RSPH4A: variants seen among roughly 807,000 people sequenced by gnomAD.
The protein encoded by RSPH4A is radial spoke head protein 4 homolog A.
RSPH4A carries 47 observed loss-of-function variants against 71.0 expected under a neutral mutation model. The observed-to-expected ratio is 0.66, with a 90% CI of 0.52 to 0.84. The LOEUF (loss-of-function observed/expected upper bound fraction) is 0.84. Ranked by LOEUF, RSPH4A falls within the 40% of genes least tolerant of loss-of-function variation. RSPH4A has a pLI of 0.00. For synonymous variants in RSPH4A, 282 were observed against 302.3 expected (o/e 0.93, Z 0.70); for missense variants, 793 against 855.2 (o/e 0.93, Z 0.91).
intron 2 of RSPH4A, among the ~76,000 whole-genome samples, chr6:116,623,741 T>C (rs1389769306): frequency 6.6e-6 from 1 of 152,202 alleles, no homozygotes; most frequent in Non-Finnish European, 1.5e-5. Context: ...GCACTTCTAA[T>C]ATCATTTGTA....
Position 116,632,264 on chromosome 6 carries a change from A to G in RSPH4A, c.1974A>G (p.Thr658=), listed in dbSNP as rs142977481. The change falls in exon 6 of 6, where the codon ACA becomes ACG. Residue 658 remains threonine (T), a synonymous_variant. Coordinates refer to ENST00000229554, the MANE Select transcript of RSPH4A (RefSeq NM_001010892.3). The stretch of plus-strand genomic sequence containing the variant: ...ATAAGTATAGTCCAGACAATTATAC[A>G]CCCCCAGTTCCACCACCAGTTTATC... ...WGHKYSPDNY[T]PPVPPPVYQE... 318 of 1,612,360 alleles carry G rather than the reference A, an allele frequency of 2.0e-4. No homozygotes were observed. In the African/African-American group the frequency reaches 4.0e-3, roughly 20 times the overall value.
At chr6:116,630,847 A>ATTTTTTTTTTTTTTTTT in intron 5 of RSPH4A, among the ~76,000 whole-genome samples, 1 of 87,612 alleles carries the variant, frequency 1.1e-5, no homozygotes, top group Non-Finnish European at 2.1e-5. Flanking sequence ...TAATTTTTGT[A>ATTTTTTTTTTTTTTTTT]TTTTTTTTTT....
In RSPH4A at chr6:116,622,924, T is replaced by G; in HGVS notation, c.843T>G (p.Tyr281Ter). The G allele has an allele frequency of 6.2e-7, 1 of 1,613,960 alleles. No homozygotes were observed. The highest frequency in any genetic ancestry group is 8.5e-7 in the Non-Finnish European group (1 of 1,179,902). Residue 281 changes from tyrosine (Y) to a stop codon, truncating the protein, a stop_gained, in exon 2 of 6, where the codon TAT becomes TAG. Coordinates refer to ENST00000229554, the MANE Select transcript of RSPH4A (RefSeq NM_001010892.3). LOFTEE classifies it high-confidence loss of function. ...ATGAGAATGAGTTGCTTCCAACATA[T>G]GAAATAGCAGAAAAGCAAAAGGCTC... ...LQNENELLPT[Y>*]EIAEKQKALF...
intron 1 of RSPH4A, among the ~76,000 whole-genome samples, chr6:116,619,793 A>G (rs1775571039): frequency 6.6e-6 from 1 of 152,108 alleles, no homozygotes; most frequent in Admixed American, 6.5e-5. Context: ...ATCTCGGCTC[A>G]CTACAAGCTC....
intron 1 of RSPH4A, among the ~76,000 whole-genome samples, chr6:116,619,949 G>A (rs1775574060): frequency 6.6e-6 from 1 of 152,180 alleles, no homozygotes; most frequent in African/African-American, 2.4e-5. Context: ...TTGATCTCCT[G>A]ACTTCGTGAT....
chr6:116,616,483 A>T lies in RSPH4A; in HGVS notation c.-141A>T. On this transcript the variant is annotated 5_prime_UTR_variant, in exon 1 of 6. Coordinates refer to ENST00000229554, the MANE Select transcript of RSPH4A (RefSeq NM_001010892.3). ...GGAACCCGGCCTGGGGTTGCTATGG[A>T]GATAGGACGCAGCAACTCACAGAGC... 3 of 753,706 alleles carry T rather than the reference A, an allele frequency of 4.0e-6. No homozygotes were observed. The highest frequency in any genetic ancestry group is 6.8e-6 in the Non-Finnish European group (3 of 438,290). 46.7% of individuals were successfully genotyped at this position (753,706 alleles called of 1,614,324 possible).
rs747463597 is a variant in RSPH4A at position 116,632,632 on chromosome 6, AGATACTCACAG to A, written c.*195_*205del. Reference sequence around the variant, plus strand: ...TAGAAATATTAGCATTTTTATTGAAAGATACTCACAGGATTTTCCAGAGGCTAAATAACATG... The same window carrying A: ...TAGAAATATTAGCATTTTTATTGAAAGATTTTCCAGAGGCTAAATAACATG... On this transcript the variant is annotated 3_prime_UTR_variant, in exon 6 of 6. Transcript: ENST00000229554. 2.6e-3 allele frequency: 1,739 copies of A among 677,316 alleles called. 5 individuals are homozygous for A. Among genetic ancestry groups the A allele is most frequent in the Non-Finnish European group, 3.5e-3 (1,494 of 421,100 alleles). 42.0% of individuals were successfully genotyped at this position (677,316 alleles called of 1,614,324 possible). A position where few individuals can be genotyped will look rare whatever the true frequency, so the allele number is the denominator to read the frequency against.
rs1562391990 is a variant in RSPH4A, at chr6:116,628,355, C to T, written c.1648C>T (p.His550Tyr). The T allele has an allele frequency of 1.9e-6, 3 of 1,611,876 alleles. No individual in the cohort carries two copies. The highest frequency in any genetic ancestry group is 2.5e-6 in the Non-Finnish European group (3 of 1,178,664). ...SLSNWVHHVQHILSQGRCNWF... is the reference protein window; with the variant it reads ...SLSNWVHHVQYILSQGRCNWF... The stretch of plus-strand genomic sequence containing the variant: ...ATCCAATTGGGTTCATCATGTACAG[C>T]ATATTCTCTCTCAGGTAGGAGCTTT... Residue 550 changes from histidine to tyrosine, a missense_variant, in exon 3 of 6, where the codon CAT becomes TAT. Physicochemically the swap from His to Tyr is moderately conservative, Grantham distance 83 (BLOSUM62 2). Coordinates refer to ENST00000229554, the MANE Select transcript of RSPH4A (RefSeq NM_001010892.3).
Position 116,632,574 on chromosome 6 carries a change from C to T in RSPH4A, c.*133C>T. 4 of 1,170,964 alleles carry T rather than the reference C, an allele frequency of 3.4e-6. No individual in the cohort carries two copies. The highest frequency in any genetic ancestry group is 4.7e-6 in the Non-Finnish European group (4 of 846,958). 72.5% of individuals were successfully genotyped at this position (1,170,964 alleles called of 1,614,324 possible). A position where few individuals can be genotyped will look rare whatever the true frequency, so the allele number is the denominator to read the frequency against. On this transcript the variant is annotated 3_prime_UTR_variant, in exon 6 of 6. Transcript: ENST00000229554. The stretch of plus-strand genomic sequence containing the variant: ...AAGAAATTATTCAACTGCAAAATCT[C>T]AATCTTGAAAATCAAGCTTGAAATT...
At chr6:116,623,725 T>G (rs1260103369) in intron 2 of RSPH4A, among the ~76,000 whole-genome samples, 7 of 152,234 alleles carry the variant, frequency 4.6e-5, no homozygotes, top group Admixed American at 1.3e-4. Flanking sequence ...ATTAGAAAAT[T>G]TAGAAGCACT....
At position 116,632,476 on chromosome 6, in the gene RSPH4A, GAT is replaced by G. The variant is rs1324663353; in HGVS notation, c.*37_*38del. ...AATTAGCCTGGTTTTATGTGACACT[GAT>G]ACACACACACCCCTTATATGGGACT... On this transcript the variant is annotated 3_prime_UTR_variant, in exon 6 of 6. Transcript: ENST00000229554. The G allele has an allele frequency of 6.3e-7, 1 of 1,582,450 alleles. No individual in the cohort carries two copies. The highest frequency in any genetic ancestry group is 8.6e-7 in the Non-Finnish European group (1 of 1,163,592).
chr6:116,623,187 C>T (rs1325704614), intron 2 of RSPH4A, among the ~76,000 whole-genome samples, 185 bp downstream of exon 2: 1 of 152,112 alleles, frequency 6.6e-6, no homozygotes, highest in Non-Finnish European at 1.5e-5. Context: ...CAGCCTCTGC[C>T]TCTCAGGGTC....
intron 5 of RSPH4A, 47 bp downstream of exon 5, chr6:116,630,599 T>C (rs764964868): frequency 2.3e-6 from 2 of 880,280 alleles, no homozygotes; most frequent in Admixed American, 1.7e-5. Context: ...TTAGTTAAGC[T>C]CTGGAAATTA....
intron 2 of RSPH4A, among the ~76,000 whole-genome samples, chr6:116,625,028 G>A (rs544257023): frequency 6.6e-6 from 1 of 152,158 alleles, no homozygotes; most frequent in African/African-American, 2.4e-5. Flanking sequence ...GTGATTTTGA[G>A]CAAGAGGCTA....
intron 1 of RSPH4A, among the ~76,000 whole-genome samples, chr6:116,621,486 T>C (rs752481858): frequency 6.6e-6 from 1 of 152,208 alleles, no homozygotes; most frequent in South Asian, 2.1e-4. Context: ...AGAGGAGTTA[T>C]ATAAAATCCT....
Position 116,627,928 on chromosome 6 carries a change from A to G in RSPH4A, c.1221A>G (p.Pro407=), listed in dbSNP as rs1042214742. The G allele has an allele frequency of 5.6e-6, 9 of 1,614,052 alleles. No individual in the cohort carries two copies. The highest frequency in any genetic ancestry group is 7.6e-6 in the Non-Finnish European group (9 of 1,180,004). The change falls in exon 3 of 6, where the codon CCA becomes CCG. Residue 407 remains proline, a synonymous_variant. Transcript: ENST00000229554. The part of the protein sequence containing the change: ...EAHEDEEDEL[P]KSFYKAPQAI... ...ATGAAGATGAGGAAGATGAATTACC[A>G]AAGTCCTTTTACAAGGCCCCACAGG...
At chr6:116,628,577 G>C (rs1430423671) in intron 3 of RSPH4A, among the ~76,000 whole-genome samples, 4 of 151,928 alleles carry the variant, frequency 2.6e-5, no homozygotes, top group African/African-American at 9.7e-5. Context: ...AAGGTCCCAG[G>C]GATCTCCAAA....
Position 116,632,427 on chromosome 6 carries a change from G to A in RSPH4A, c.2137G>A (p.Asp713Asn). Residue 713 changes from aspartate (D) to asparagine (N), a missense_variant, in exon 6 of 6, where the codon GAT becomes AAT. Asp to Asn is a conservative substitution (Grantham distance 23, BLOSUM62 1). Coordinates refer to ENST00000229554, the MANE Select transcript of RSPH4A (RefSeq NM_001010892.3). ...EESEEDEDEE[D>N]DYD Reference sequence around the variant, plus strand: ...ATCTGAGGAAGATGAAGATGAGGAAGATGATTATGACTAATAAACATAAAA... The same window carrying A: ...ATCTGAGGAAGATGAAGATGAGGAAAATGATTATGACTAATAAACATAAAA... The A allele has an allele frequency of 6.2e-7, 1 of 1,612,804 alleles. No homozygotes were observed. The highest frequency in any genetic ancestry group is 8.5e-7 in the Non-Finnish European group (1 of 1,179,410).
intron 3 of RSPH4A, 136 bp downstream of exon 3, chr6:116,628,505 C>A: frequency 1.4e-6 from 1 of 712,316 alleles, no homozygotes; most frequent in Non-Finnish European, 2.3e-6. Flanking sequence ...TAATTAAAAA[C>A]ACAGCCAAAA....
Sources: gnomAD v4.1 joint callset for allele counts (sites outside exome capture counted in the v4.1 genomes callset) on GRCh38, gnomAD v4.1.1 for gene constraint, MANE v1.5 for transcripts, NCBI Gene and HGNC (gene_info 2026-07-23, HGNC 2026-07-21) for gene names.